The following TNIP1 variants were observed in gnomAD, a reference collection of about 807,000 sequenced individuals.
TNIP1 encodes the protein TNFAIP3 interacting protein 1, also known as TNFAIP3-interacting protein 1.
In TNIP1, 22 loss-of-function variants were observed where a neutral mutation model predicts 86.6. That is an observed-to-expected ratio of 0.25 (90% CI 0.18 to 0.36). The LOEUF is 0.36. Ranked by LOEUF, TNIP1 falls within the 10% of genes least tolerant of loss-of-function variation. The pLI is 1.00. For missense variants in TNIP1, 709 were observed against 820.6 expected (o/e 0.86, Z 1.66); for synonymous variants, 294 against 313.0 (o/e 0.94, Z 0.64).
At chr5:151,052,768 T>G (rs1216704540) in intron 6 of TNIP1, among the ~76,000 whole-genome samples, 1 of 151,636 alleles carries the variant, frequency 6.6e-6, no homozygotes, top group African/African-American at 2.4e-5. Context: ...TTTCTTAATA[T>G]CTACCCCCTT....
intron 7 of TNIP1, among the ~76,000 whole-genome samples, chr5:151,051,825 G>A (rs541011383): frequency 1.3e-5 from 2 of 152,172 alleles, no homozygotes; most frequent in Non-Finnish European, 2.9e-5. Flanking sequence ...AGGTTGGGAT[G>A]GTGACCAGCA....
intron 1 of TNIP1, among the ~76,000 whole-genome samples, chr5:151,073,606 G>A (rs1403292482): frequency 1.3e-5 from 2 of 152,070 alleles, no homozygotes; most frequent in East Asian, 1.9e-4. Context: ...GTATACATAC[G>A]GAATCTTAAA....
intron 6 of TNIP1, among the ~76,000 whole-genome samples, chr5:151,053,348 G>A (rs1448916133): frequency 1.3e-5 from 2 of 152,046 alleles, no homozygotes; most frequent in African/African-American, 4.8e-5. Context: ...GACCTCAAGT[G>A]ATCCACCTGC....
intron 1 of TNIP1, among the ~76,000 whole-genome samples, chr5:151,076,599 C>A (rs1763422943): frequency 6.6e-6 from 1 of 152,152 alleles, no homozygotes; most frequent in South Asian, 2.1e-4. Flanking sequence ...GAAATGCACA[C>A]CTCGTCCTCT....
At chr5:151,054,788 C>T (rs1760431220) in intron 6 of TNIP1, among the ~76,000 whole-genome samples, 1 of 152,164 alleles carries the variant, frequency 6.6e-6, no homozygotes, top group Non-Finnish European at 1.5e-5. Flanking sequence ...GTTTAGTGAA[C>T]CAAGAAACAC....
intron 7 of TNIP1, among the ~76,000 whole-genome samples, chr5:151,051,246 A>G (rs1581801722): frequency 6.6e-6 from 1 of 152,240 alleles, no homozygotes; most frequent in South Asian, 2.1e-4. Context: ...TTCTGTGGCC[A>G]TACTTACAAA....
chr5:151,052,339 G>T, intron 6 of TNIP1, 80 bp from the exon 7 acceptor site: 1 of 1,207,640 alleles, frequency 8.3e-7, no homozygotes, highest in South Asian at 1.3e-5. Flanking sequence ...GATGGTGGGG[G>T]GCCTGTAGCC....
intron 1 of TNIP1, among the ~76,000 whole-genome samples, chr5:151,066,852 C>T (rs1445934033): frequency 6.6e-6 from 1 of 152,172 alleles, no homozygotes; most frequent in Non-Finnish European, 1.5e-5. Context: ...GCCAGAGGGG[C>T]AGACAGGGAG....
intron 1 of TNIP1, among the ~76,000 whole-genome samples, chr5:151,069,105 G>A (rs1171257597): frequency 6.6e-6 from 1 of 152,220 alleles, no homozygotes; most frequent in East Asian, 1.9e-4. Context: ...TGGAAGTGAT[G>A]CTGCTGAAAC....
rs141556021 is a variant in TNIP1, at chr5:151,053,603, G to A, written c.628-1344C>T. On this transcript the variant is annotated intron_variant, in intron 6 of 17. Coordinates refer to ENST00000521591, the MANE Select transcript of TNIP1 (RefSeq NM_006058.5). ...ACCTCACAGGCTGGGGGGAAGGGAA[G>A]GTGCTGACTAGCAATGCTAGCATAC... Among the ~76,000 whole-genome samples, 47 of 152,308 alleles carry A rather than the reference G, an allele frequency of 3.1e-4. No homozygotes were observed. In the East Asian group the frequency reaches 8.3e-3, roughly 27 times the overall value.
chr5:151,064,889 G>A, intron 2 of TNIP1, 71 bp downstream of exon 2: 1 of 1,598,986 alleles, frequency 6.3e-7, no homozygotes, highest in Non-Finnish European at 8.6e-7. Flanking sequence ...ATTCTCCACT[G>A]CTAGTAGAGG....
chr5:151,081,286 C>A (rs1420713881), upstream of TNIP1, among the ~76,000 whole-genome samples: 2 of 152,178 alleles, frequency 1.3e-5, no homozygotes, highest in East Asian at 3.9e-4. Context: ...GCACTCCCAG[C>A]GCCGGAAGCC....
At chr5:151,052,535 C>G (rs1232219412) in intron 6 of TNIP1, among the ~76,000 whole-genome samples, 1 of 152,200 alleles carries the variant, frequency 6.6e-6, no homozygotes, top group African/African-American at 2.4e-5. Context: ...CTCCTTCATC[C>G]CTGCTCCCAC....
chr5:151,042,158 C>T (rs1028052122), intron 11 of TNIP1, among the ~76,000 whole-genome samples: 4 of 152,062 alleles, frequency 2.6e-5, no homozygotes, highest in Non-Finnish European at 5.9e-5. Context: ...CCACGCTGAT[C>T]TTGAACTCCT....
intron 8 of TNIP1, chr5:151,046,385 C>T (rs1202065863): frequency 2.5e-5 from 4 of 156,930 alleles, no homozygotes; most frequent in Non-Finnish European, 5.7e-5. Flanking sequence ...AAAACTTTTA[C>T]AAAAGTTGAA....
chr5:151,084,915 C>G (rs577881444), upstream of TNIP1, among the ~76,000 whole-genome samples: 20 of 152,290 alleles, frequency 1.3e-4, no homozygotes, highest in African/African-American at 4.8e-4. Flanking sequence ...ATGATATTGA[C>G]TAAAATTGTT....
chr5:151,078,863 GACAA>G (rs1390481063), intron 1 of TNIP1, among the ~76,000 whole-genome samples: 1 of 152,186 alleles, frequency 6.6e-6, no homozygotes, highest in Non-Finnish European at 1.5e-5. Context: ...GAGAGAGGCA[GACAA>G]ACAACCTCCT....
rs774202832 is a variant in TNIP1, at chr5:151,042,947, G to A, written c.951C>T (p.Asn317=). The A allele has an allele frequency of 1.9e-6, 3 of 1,614,222 alleles. No homozygotes were observed. In the South Asian group the frequency reaches 3.3e-5, roughly 18 times the overall value. The change falls in exon 10 of 18, where the codon AAC becomes AAT. Residue 317 remains asparagine, a synonymous_variant. Transcript: ENST00000521591. ...EQQRSELLEV[N]KQWDQHFRSM... is the part of the protein sequence containing the mutation. ...ACCGGAAATGCTGGTCCCACTGCTT[G>A]TTCACTTCCAGCAGCTGTGGGGAGA...
chr5:151,062,945 G>A (rs1486369295), intron 3 of TNIP1, among the ~76,000 whole-genome samples: 1 of 152,234 alleles, frequency 6.6e-6, no homozygotes, highest in Non-Finnish European at 1.5e-5. Flanking sequence ...AGGCATCTGA[G>A]TCCAGCTGAG....
Sources: gnomAD v4.1 joint callset for allele counts (sites outside exome capture counted in the v4.1 genomes callset) on GRCh38, gnomAD v4.1.1 for gene constraint, MANE v1.5 for transcripts, NCBI Gene and HGNC (gene_info 2026-07-23, HGNC 2026-07-21) for gene names.